Variants in DYNC1LI2 observed in about 807,000 individuals in gnomAD.
The protein encoded by DYNC1LI2 is dynein cytoplasmic 1 light intermediate chain 2.
Under a neutral mutation model 57.8 loss-of-function variants are expected in DYNC1LI2, and 19 were observed. That is an observed-to-expected ratio of 0.33 (90% CI 0.23 to 0.48). The LOEUF (loss-of-function observed/expected upper bound fraction) is 0.48. DYNC1LI2 is among the 20% of genes least tolerant of loss of function. The pLI is 0.99. For synonymous variants in DYNC1LI2, 256 were observed against 233.4 expected, an observed-to-expected ratio of 1.10 and a Z score of -0.88; for missense variants, 470 against 604.2, an observed-to-expected ratio of 0.78 and a Z score of 2.33.
chr16:66,727,030 G>A (rs372220635), intron 11 of DYNC1LI2, among the ~76,000 whole-genome samples: 5 of 151,792 alleles, frequency 3.3e-5, no homozygotes, highest in South Asian at 2.1e-4. Flanking sequence ...CAATCCTGCC[G>A]CTTCATCCAC....
intron 2 of DYNC1LI2, 51 bp from the exon 3 acceptor site, chr16:66,749,364 AT>A: frequency 6.5e-7 from 1 of 1,543,500 alleles, no homozygotes. Context: ...CCGGGCAAGG[AT>A]GGGGAGGCAT....
chr16:66,735,115 T>C (rs2017710652), intron 5 of DYNC1LI2, among the ~76,000 whole-genome samples: 1 of 151,488 alleles, frequency 6.6e-6, no homozygotes, highest in Non-Finnish European at 1.5e-5. Context: ...TTTTTTCTTT[T>C]TTTTTTGAGA....
chr16:66,740,860 T>C (rs185771980), intron 4 of DYNC1LI2, among the ~76,000 whole-genome samples: 42 of 152,276 alleles, frequency 2.8e-4, no homozygotes, highest in African/African-American at 9.6e-4. Context: ...TACCTACACC[T>C]CCAGATTTCA....
intron 8 of DYNC1LI2, among the ~76,000 whole-genome samples, chr16:66,729,707 C>T (rs1243937190): frequency 6.6e-6 from 1 of 151,390 alleles, no homozygotes; most frequent in Non-Finnish European, 1.5e-5. Flanking sequence ...CTCCCAACTG[C>T]TGGGATTACA....
In DYNC1LI2 at chr16:66,720,995, G is replaced by C. The variant is rs370389034; in HGVS notation, c.*2727C>G. 3 of 152,520 alleles carry C rather than the reference G, an allele frequency of 2.0e-5. No homozygotes were observed. Among genetic ancestry groups the C allele is most frequent in the South Asian group, 2.1e-4 (1 of 4,824 alleles). The allele number at this position is 152,520 out of a possible 1,614,324, so 9.4% of individuals were successfully genotyped here. A position where few individuals can be genotyped will look rare whatever the true frequency, so the allele number is the denominator to read the frequency against. Reference sequence around the variant, plus strand: ...TTCCACATGACTGCATACTGCACCCGGACAGAGCCACACCCCTGGACTAAG... The same window carrying C: ...TTCCACATGACTGCATACTGCACCCCGACAGAGCCACACCCCTGGACTAAG... On this transcript the variant is annotated 3_prime_UTR_variant, in exon 13 of 13. Transcript: ENST00000258198.
rs1026789264 is a variant in DYNC1LI2 at position 66,721,087 on chromosome 16, G to A, written c.*2635C>T. Reference sequence around the variant, plus strand: ...ACACCAATAAATTTAGTATACAGACGACAGTGAACTTTCACTTACAGCATT... The same window carrying A: ...ACACCAATAAATTTAGTATACAGACAACAGTGAACTTTCACTTACAGCATT... On this transcript the variant is annotated 3_prime_UTR_variant, in exon 13 of 13. Coordinates refer to ENST00000258198, the MANE Select transcript of DYNC1LI2 (RefSeq NM_006141.3). The A allele has an allele frequency of 3.3e-5, 5 of 152,574 alleles. No homozygotes were observed. Among genetic ancestry groups the A allele is most frequent in the South Asian group, 2.1e-4 (1 of 4,830 alleles). The allele number at this position is 152,574 out of a possible 1,614,324, so 9.5% of individuals were successfully genotyped here.
At chr16:66,742,200 G>C (rs368879001) in intron 4 of DYNC1LI2, among the ~76,000 whole-genome samples, 161 of 152,294 alleles carry the variant, frequency 1.1e-3, no homozygotes, top group African/African-American at 3.4e-3. Flanking sequence ...TATTTGAAAC[G>C]GAAACCAATG....
At chr16:66,743,027 T>C (rs1290618893) in intron 3 of DYNC1LI2, among the ~76,000 whole-genome samples, 1 of 152,062 alleles carries the variant, frequency 6.6e-6, no homozygotes, top group East Asian at 1.9e-4. Context: ...CCGGGCATCG[T>C]GACACTCGCC....
At chr16:66,738,152 GCTCT>G (rs1217754334) in intron 4 of DYNC1LI2, 1 of 151,668 alleles carries the variant, frequency 6.6e-6, no homozygotes, top group Non-Finnish European at 1.5e-5. Context: ...TTATCTGAGA[GCTCT>G]CTGTCTTTCA....
chr16:66,738,884 A>AACACACACACAC (rs34638723), intron 4 of DYNC1LI2: 5 of 133,406 alleles, frequency 3.7e-5, no homozygotes, highest in African/African-American at 5.7e-5. Flanking sequence ...AAAAAAAACA[A>AACACACACACAC]ACACACACAC....
chr16:66,735,696 C>G (rs1295336488), intron 5 of DYNC1LI2, among the ~76,000 whole-genome samples: 1 of 151,696 alleles, frequency 6.6e-6, no homozygotes, highest in Non-Finnish European at 1.5e-5. Context: ...TTTGTAGAGA[C>G]GGGGTTTCAC....
At position 66,723,676 on chromosome 16, in the gene DYNC1LI2, A is replaced by G; in HGVS notation, c.*46T>C. 1 of 1,556,972 alleles carries G rather than the reference A, an allele frequency of 6.4e-7. No homozygotes were observed. The highest frequency in any genetic ancestry group is 8.7e-7 in the Non-Finnish European group (1 of 1,145,638). On this transcript the variant is annotated 3_prime_UTR_variant, in exon 13 of 13. Coordinates refer to ENST00000258198, the MANE Select transcript of DYNC1LI2 (RefSeq NM_006141.3). The stretch of plus-strand genomic sequence containing the variant: ...AAAATCCTGGTCTTAGCAGATCAAT[A>G]TACATAGTTATTTGGTCATTCGACA...
In DYNC1LI2 at chr16:66,729,112, A is replaced by C; in HGVS notation, c.1042-13T>G. The C allele has an allele frequency of 6.2e-7, 1 of 1,614,058 alleles. No homozygotes were observed. The highest frequency in any genetic ancestry group is 8.5e-7 in the Non-Finnish European group (1 of 1,180,042). On this transcript the variant is annotated splice_polypyrimidine_tract_variant and intron_variant, in intron 8 of 12. Coordinates refer to ENST00000258198, the MANE Select transcript of DYNC1LI2 (RefSeq NM_006141.3). Reference sequence around the variant, plus strand: ...TGTCGTGGACCAGCTGTGAAACAACATACATGTTTGTGGCCACAGGCCAAG... The same window carrying C: ...TGTCGTGGACCAGCTGTGAAACAACCTACATGTTTGTGGCCACAGGCCAAG...
intron 4 of DYNC1LI2, among the ~76,000 whole-genome samples, chr16:66,739,983 ACTG>A (rs1449551866): frequency 6.6e-6 from 1 of 152,196 alleles, no homozygotes; most frequent in Non-Finnish European, 1.5e-5. Flanking sequence ...GAGCATCTTC[ACTG>A]CTGCTGCTGC....
At chr16:66,734,411 A>G (rs2017693855) in intron 5 of DYNC1LI2, 100 bp from the exon 6 acceptor site, 1 of 1,138,160 alleles carries the variant, frequency 8.8e-7, no homozygotes, top group African/African-American at 1.5e-5. Context: ...TCCAAAGAAG[A>G]AAGCCACAGC....
chr16:66,738,184 TGAA>T (rs1208439812), intron 4 of DYNC1LI2: 4 of 151,342 alleles, frequency 2.6e-5, no homozygotes, highest in African/African-American at 9.7e-5. Context: ...GTGAGCAAAC[TGAA>T]AACTAACTGA....
chr16:66,728,296 A>G (rs537118585), intron 9 of DYNC1LI2, 54 bp from the exon 10 acceptor site: 3 of 1,606,016 alleles, frequency 1.9e-6, no homozygotes, highest in Non-Finnish European at 2.6e-6. Flanking sequence ...AGAGCACTGA[A>G]GGTCTAGAGA....
At chr16:66,734,109 C>A (rs963261612) in intron 6 of DYNC1LI2, 109 bp downstream of exon 6, 7 of 964,828 alleles carry the variant, frequency 7.3e-6, no homozygotes, top group African/African-American at 1.6e-5. Flanking sequence ...TATACAAATT[C>A]TCTTTGGCAG....
chr16:66,740,629 A>G (rs1327316978), intron 4 of DYNC1LI2, among the ~76,000 whole-genome samples: 1 of 152,176 alleles, frequency 6.6e-6, no homozygotes, highest in Non-Finnish European at 1.5e-5. Context: ...AACACATGGC[A>G]ACCCAAAGTA....
Sources: allele counts gnomAD v4.1 joint callset (sites outside exome capture counted in the v4.1 genomes callset), GRCh38; gene constraint gnomAD v4.1.1; transcripts MANE v1.5; gene names NCBI Gene and HGNC (gene_info 2026-07-23, HGNC 2026-07-21).